The following PLCB1 variants were observed in gnomAD, a reference collection of about 807,000 sequenced individuals.
The protein encoded by PLCB1 is phospholipase C beta 1.
In PLCB1, 46 loss-of-function variants were observed where a neutral mutation model predicts 161.8. The observed-to-expected ratio is 0.28, with a 90% confidence interval of 0.22 to 0.36. PLCB1 has a LOEUF of 0.36. Ranked by LOEUF, PLCB1 falls within the 10% of genes least tolerant of loss-of-function variation. The probability of loss-of-function intolerance (pLI) is 1.00; values close to 1 mark genes in which losing one functional copy is unlikely to be tolerated. For synonymous variants in PLCB1, 517 were observed against 503.7 expected (o/e 1.03, Z -0.35); for missense variants, 1,016 against 1,472.5 (o/e 0.69, Z 5.07).
chr20:8,820,094 T>C (rs1375155831), intron 31 of PLCB1, among the ~76,000 whole-genome samples: 2 of 148,382 alleles, frequency 1.3e-5, no homozygotes, highest in East Asian at 1.9e-4. Flanking sequence ...ATTTGTATTA[T>C]GTTTTATTTA....
chr20:8,390,102 T>C (rs1987544861), intron 3 of PLCB1, among the ~76,000 whole-genome samples: 1 of 152,214 alleles, frequency 6.6e-6, no homozygotes, highest in Non-Finnish European at 1.5e-5. Context: ...ACCACGGTAC[T>C]TGTATCAGTC....
chr20:8,777,207 G>A (rs1982985385), intron 27 of PLCB1, among the ~76,000 whole-genome samples: 1 of 152,092 alleles, frequency 6.6e-6, no homozygotes, highest in Non-Finnish European at 1.5e-5. Flanking sequence ...GAGTGAGGTG[G>A]GAACTGTTGG....
chr20:8,567,338 C>T (rs1986367923), intron 3 of PLCB1, among the ~76,000 whole-genome samples: 1 of 151,986 alleles, frequency 6.6e-6, no homozygotes, highest in Admixed American at 6.6e-5. Flanking sequence ...AATTCCATTT[C>T]CCCCTCTGTC....
chr20:8,661,980 A>ATATATAAT (rs1210060935), intron 9 of PLCB1, among the ~76,000 whole-genome samples: 3 of 32,184 alleles, frequency 9.3e-5, no homozygotes, highest in African/African-American at 3.1e-4. Context: ...TTATATAATT[A>ATATATAAT]TATATAATTA....
At chr20:8,225,410 T>A (rs1979629554) in intron 2 of PLCB1, among the ~76,000 whole-genome samples, 1 of 152,214 alleles carries the variant, frequency 6.6e-6, no homozygotes, top group African/African-American at 2.4e-5. Flanking sequence ...GTCTTTGAGT[T>A]CTTTATGGCT....
rs537442614 is a variant in PLCB1 at position 8,879,595 on chromosome 20, CAGAAAA to C, written c.3424-2007_3424-2002del. Among the ~76,000 whole-genome samples, 496 of 148,398 alleles carry C rather than the reference CAGAAAA, an allele frequency of 3.3e-3. 4 individuals are homozygous for C. Among genetic ancestry groups the C allele is most frequent in the South Asian group, 0.018 (78 of 4,396 alleles). ...GTCAATGAGTCTGCCACAAATTTGC[CAGAAAA>C]AGAAAAAGAAAAAGAAAAAAAGGAA... On this transcript the variant is annotated intron_variant, in intron 31 of 31. Coordinates refer to ENST00000338037, the MANE Select transcript of PLCB1 (RefSeq NM_015192.4).
At chr20:8,288,749 G>A (rs1332908414) in intron 2 of PLCB1, among the ~76,000 whole-genome samples, 1 of 152,160 alleles carries the variant, frequency 6.6e-6, no homozygotes, top group Admixed American at 6.5e-5. Flanking sequence ...GGGAACCTGA[G>A]TGGGGCACGG....
chr20:8,784,290 C>T lies in PLCB1; in HGVS notation c.3112-4159C>T, dbSNP rs528813440. On this transcript the variant is annotated intron_variant, in intron 27 of 31. Coordinates refer to ENST00000338037, the MANE Select transcript of PLCB1 (RefSeq NM_015192.4). The stretch of plus-strand genomic sequence containing the variant: ...TCTGAAAACTAGCTGAGGTCGGGCT[C>T]GGTGGCTCACACCTGTAATCCCAGC... Among the ~76,000 whole-genome samples the T allele has an allele frequency of 9.2e-5, 14 of 152,010 alleles. No homozygotes were observed. In the East Asian group the frequency reaches 1.5e-3, roughly 17 times the overall value.
At chr20:8,535,201 G>GGA (rs1568497461) in intron 3 of PLCB1, among the ~76,000 whole-genome samples, 1 of 44,376 alleles carries the variant, frequency 2.3e-5, no homozygotes, top group Non-Finnish European at 4.5e-5. Context: ...GAGTTTATGG[G>GGA]CAAAAAAAAA....
chr20:8,476,494 G>A (rs1192522538), intron 3 of PLCB1, among the ~76,000 whole-genome samples: 1 of 152,176 alleles, frequency 6.6e-6, no homozygotes, highest in Non-Finnish European at 1.5e-5. Flanking sequence ...CTGGCTGGAT[G>A]CTAAAGTTAA....
intron 3 of PLCB1, among the ~76,000 whole-genome samples, chr20:8,578,822 T>G (rs1986751884): frequency 6.6e-6 from 1 of 152,214 alleles, no homozygotes; most frequent in Non-Finnish European, 1.5e-5. Context: ...AACTCTACGT[T>G]AAGTCATCAT....
chr20:8,517,718 TCTGGATTGGCTACTC>T (rs1269415946), intron 3 of PLCB1, among the ~76,000 whole-genome samples: 1 of 152,160 alleles, frequency 6.6e-6, no homozygotes, highest in Non-Finnish European at 1.5e-5. Flanking sequence ...GGAATGAATC[TCTGGATTGGCTACTC>T]CTGGATTCCC....
rs77481388 is a variant in PLCB1 at position 8,458,657 on chromosome 20, A to G, written c.246+87207A>G. Among the ~76,000 whole-genome samples the G allele has an allele frequency of 0.054, 8,167 of 152,198 alleles. 273 individuals are homozygous for G. Among genetic ancestry groups the G allele is most frequent in the Non-Finnish European group, 0.064 (4,353 of 68,022 alleles). ...ATTTTTCAAAATCCATTTTTATCGC[A>G]TATTCAATTTGGCCTGCTTACCTTA... On this transcript the variant is annotated intron_variant, in intron 3 of 31. Transcript: ENST00000338037.
At chr20:8,644,326 C>A (rs1420251607) in intron 4 of PLCB1, among the ~76,000 whole-genome samples, 3 of 150,060 alleles carry the variant, frequency 2.0e-5, no homozygotes, top group African/African-American at 7.4e-5. Context: ...CTCTGCCCGG[C>A]CGCCATCCCA....
chr20:8,546,774 A>C (rs2122977731), intron 3 of PLCB1, among the ~76,000 whole-genome samples: 1 of 151,716 alleles, frequency 6.6e-6, no homozygotes, highest in Admixed American at 6.6e-5. Flanking sequence ...GGAAATGACT[A>C]GTATCATAAA....
chr20:8,816,729 G>T (rs1040989951), intron 31 of PLCB1, among the ~76,000 whole-genome samples: 1 of 152,154 alleles, frequency 6.6e-6, no homozygotes, highest in Non-Finnish European at 1.5e-5. Context: ...TGGCCAAAGG[G>T]TGCTTTGCAG....
intron 2 of PLCB1, among the ~76,000 whole-genome samples, chr20:8,279,662 T>A (rs1982778601): frequency 6.6e-6 from 1 of 152,194 alleles, no homozygotes; most frequent in Non-Finnish European, 1.5e-5. Flanking sequence ...TATAAAATAG[T>A]ATTATACAGT....
At chr20:8,507,597 A>G (rs1288002016) in intron 3 of PLCB1, among the ~76,000 whole-genome samples, 3 of 152,186 alleles carry the variant, frequency 2.0e-5, no homozygotes, top group African/African-American at 4.8e-5. Flanking sequence ...CATGGTAGAA[A>G]AGCAGGATTT....
At chr20:8,320,830 AGAGG>A (rs145879094) in intron 2 of PLCB1, among the ~76,000 whole-genome samples, 37,823 of 131,160 alleles carry the variant, frequency 0.29, 5,862 homozygotes, top group South Asian at 0.45. Flanking sequence ...AGGGAGGGAG[AGAGG>A]GAGGGAGGGA....
Sources: allele counts gnomAD v4.1 joint callset (sites outside exome capture counted in the v4.1 genomes callset), GRCh38; gene constraint gnomAD v4.1.1; transcripts MANE v1.5; gene names NCBI Gene and HGNC (gene_info 2026-07-23, HGNC 2026-07-21).